The following ADGRD2 variants were observed in gnomAD, a reference collection of about 807,000 sequenced individuals.
The protein encoded by ADGRD2 is adhesion G protein-coupled receptor D2.
In ADGRD2, 71 loss-of-function variants were observed where a neutral mutation model predicts 44.4. The ratio of observed to expected loss-of-function variants is 1.60; its 90% CI spans 1.32 to 1.95. ADGRD2 has a LOEUF of 1.95. ADGRD2 is among the 30% of genes most tolerant of loss of function. The pLI is 0.00. For synonymous variants in ADGRD2, 481 were observed against 224.8 expected, an observed-to-expected ratio of 2.14 and a Z score of -10.19; for missense variants, 1,039 against 512.4, an observed-to-expected ratio of 2.03 and a Z score of -9.92.
intron 17 of ADGRD2, among the ~76,000 whole-genome samples, chr9:124,473,604 G>C (rs531429087): frequency 6.6e-6 from 1 of 152,382 alleles, no homozygotes; most frequent in East Asian, 1.9e-4. Context: ...CCATGCCAGG[G>C]CTGGCCTGCA....
intron 16 of ADGRD2, among the ~76,000 whole-genome samples, chr9:124,469,849 C>A (rs965979233): frequency 6.6e-6 from 1 of 152,206 alleles, no homozygotes; most frequent in South Asian, 2.1e-4. Context: ...CTGTCTGCGG[C>A]AGGTACTGAT....
At chr9:124,453,381 G>A in exon 3 of ADGRD2, 1 of 566,368 alleles carries the variant, frequency 1.8e-6, no homozygotes, top group Non-Finnish European at 3.1e-6. Context: ...TCTCCGATGG[G>A]AGGCGGCGCG....
At chr9:124,468,972 C>T (rs1413633193) in intron 14 of ADGRD2, among the ~76,000 whole-genome samples, 2 of 152,210 alleles carry the variant, frequency 1.3e-5, no homozygotes, top group African/African-American at 2.4e-5. Flanking sequence ...CAGCCAGTTG[C>T]CCAGCCTCCG....
At chr9:124,452,989 G>A (rs1407406073) in intron 2 of ADGRD2, 46 bp from the exon 6 acceptor site, 2 of 624,168 alleles carry the variant, frequency 3.2e-6, no homozygotes, top group East Asian at 5.5e-5. Flanking sequence ...GCAGGACCAT[G>A]TGCACAGGTG....
At chr9:124,467,297 G>A (rs906774607) in intron 11 of ADGRD2, 12 of 148,546 alleles carry the variant, frequency 8.1e-5, no homozygotes, top group South Asian at 5.9e-4. Flanking sequence ...CTGAGATTGC[G>A]CCACTTGCTC....
chr9:124,469,636 G>T (rs988753072), intron 16 of ADGRD2, 89 bp downstream of exon 19: 1 of 688,790 alleles, frequency 1.5e-6, no homozygotes, highest in South Asian at 1.6e-5. Flanking sequence ...GAGAGCACGT[G>T]CGAGTCTGTG....
exon 6 of ADGRD2, chr9:124,455,004 C>G (rs760264161): frequency 1.4e-6 from 1 of 718,342 alleles, no homozygotes; most frequent in Admixed American, 2.0e-5. Context: ...TGGTGGCCCT[C>G]GGGGCTGGGG....
intron 10 of ADGRD2, among the ~76,000 whole-genome samples, chr9:124,460,389 T>TA (rs1554718953): frequency 6.9e-3 from 185 of 26,886 alleles, no homozygotes; most frequent in African/African-American, 0.015. Context: ...TATATATATA[T>TA]TTTTTTTTAG....
chr9:124,477,856 C>G (rs927239679), intron 21 of ADGRD2, among the ~76,000 whole-genome samples: 2 of 148,350 alleles, frequency 1.3e-5, no homozygotes, highest in African/African-American at 5.0e-5. Flanking sequence ...AAGAGAGCGG[C>G]GGCGCCTCTG....
chr9:124,476,988 T>C (rs2131264274), intron 21 of ADGRD2: 1 of 670,726 alleles, frequency 1.5e-6, no homozygotes, highest in Non-Finnish European at 2.8e-6. Flanking sequence ...TCCTCCCCTC[T>C]CTCTGCCCAG....
chr9:124,468,456 G>C (rs143941039), intron 13 of ADGRD2, 63 bp from the exon 17 acceptor site: 1 of 715,084 alleles, frequency 1.4e-6, no homozygotes, highest in African/African-American at 1.7e-5. Flanking sequence ...GGCATGGGCC[G>C]CGGGGCTGGC....
chr9:124,451,559 C>T (rs1047461055), upstream of ADGRD2: 6 of 292,864 alleles, frequency 2.0e-5, no homozygotes, highest in Admixed American at 1.9e-4. Flanking sequence ...AGTCCAAGGG[C>T]GAAGCAAGGC....
At position 124,453,151 on chromosome 9, in the gene ADGRD2, G is replaced by C. The variant is rs184300525; in HGVS notation, c.400G>C (p.Asp134His). 2.3e-3 allele frequency: 1,646 copies of C among 701,218 alleles called. 14 individuals carry two copies. In the African/African-American group the frequency reaches 0.024, roughly 10 times the overall value. The allele number at this position is 701,218 out of a possible 1,614,324, so 43.4% of individuals were successfully genotyped here. A position where few individuals can be genotyped will look rare whatever the true frequency, so the allele number is the denominator to read the frequency against. The change falls in exon 3 of 22, where the codon GAC becomes CAC. Residue 134 changes from aspartate to histidine, a missense_variant. Coordinates refer to ENST00000334810, the Ensembl canonical transcript of ADGRD2. The stretch of plus-strand genomic sequence containing the variant: ...GACCGCGTGTACTCACGTGCAGTGG[G>C]ACTGTGCCTCGCCCGACCCCGCAGC...
At chr9:124,456,655 G>A in exon 7 of ADGRD2, 1 of 717,768 alleles carries the variant, frequency 1.4e-6, no homozygotes, top group African/African-American at 1.7e-5. Context: ...GGTGGCGAGT[G>A]TGCAGCGCCT....
At position 124,467,712 on chromosome 9, in the gene ADGRD2, T is replaced by C. The variant is rs1294980328; in HGVS notation, c.2027-9T>C. ...GGTGCCAGGGGGGTTTCTCTGTCCC[T>C]CCACACAGAGAGGCCCTGAGGAGGA... On this transcript the variant is annotated splice_polypyrimidine_tract_variant and intron_variant, in intron 11 of 21. Coordinates refer to ENST00000334810, the Ensembl canonical transcript of ADGRD2. 1.1e-5 allele frequency: 8 copies of C among 718,336 alleles called. No individual in the cohort carries two copies. The highest frequency in any genetic ancestry group is 2.1e-5 in the Non-Finnish European group (8 of 385,050). 44.5% of individuals were successfully genotyped at this position (718,336 alleles called of 1,614,324 possible). A position where few individuals can be genotyped will look rare whatever the true frequency, so the allele number is the denominator to read the frequency against.
intron 17 of ADGRD2, among the ~76,000 whole-genome samples, chr9:124,472,513 TTTTG>T (rs869093012): frequency 3.3e-5 from 5 of 151,882 alleles, no homozygotes; most frequent in Admixed American, 1.3e-4. Context: ...TTTTGTTTTG[TTTTG>T]TTTTTTGGAG....
exon 15 of ADGRD2, chr9:124,469,340 G>A (rs1347175005): frequency 5.6e-6 from 4 of 718,240 alleles, no homozygotes; most frequent in Non-Finnish European, 1.0e-5. Context: ...TGGGGCCTGT[G>A]CTCTTCGTGC....
intron 21 of ADGRD2, chr9:124,477,115 G>A (rs1487261011): frequency 4.1e-6 from 2 of 488,796 alleles, no homozygotes; most frequent in Non-Finnish European, 4.2e-6. Context: ...CTAGGATCCA[G>A]AGCCTTCCAA....
chr9:124,461,757 T>G (rs1233934429), intron 10 of ADGRD2, among the ~76,000 whole-genome samples: 2 of 152,110 alleles, frequency 1.3e-5, no homozygotes, highest in African/African-American at 4.8e-5. Flanking sequence ...TTTTGTTTTT[T>G]GTTTTTTTGA....
Sources: gnomAD v4.1 joint callset for allele counts (sites outside exome capture counted in the v4.1 genomes callset) on GRCh38, gnomAD v4.1.1 for gene constraint, MANE v1.5 for transcripts, NCBI Gene and HGNC (gene_info 2026-07-23, HGNC 2026-07-21) for gene names.